Variants in CLPB observed in about 807,000 individuals in gnomAD.
CLPB encodes ClpB family mitochondrial disaggregase.
CLPB carries 40 observed loss-of-function variants against 78.4 expected under a neutral mutation model. The observed-to-expected ratio is 0.51, with a 90% CI of 0.40 to 0.66. The LOEUF (loss-of-function observed/expected upper bound fraction) is 0.66, where lower values mean the gene tolerates loss of function less well. CLPB is among the 30% of genes least tolerant of loss of function. The probability of loss-of-function intolerance (pLI) is 0.00; values close to 1 mark genes in which losing one functional copy is unlikely to be tolerated. For synonymous variants in CLPB, 333 were observed against 348.0 expected (o/e 0.96, Z 0.48); for missense variants, 780 against 886.9 (o/e 0.88, Z 1.53).
chr11:72,295,496 GT>G lies in CLPB; in HGVS notation c.1481del (p.Asn494ThrfsTer7). The G allele has an allele frequency of 6.2e-7, 1 of 1,614,022 alleles. No individual in the cohort carries two copies. Among genetic ancestry groups the G allele is most frequent in the South Asian group, 1.1e-5 (1 of 91,076 alleles). On this transcript the variant is annotated frameshift_variant, in exon 12 of 16. Coordinates refer to ENST00000538039, the MANE Select transcript of CLPB (RefSeq NM_001258392.3). LOFTEE classifies it high-confidence loss of function. Reference sequence around the variant, plus strand: ...TGCTCAGGTCAGCCGCCATACCCAGGTTTTCGGCAATACGGTTACGGCTCAT... The same window carrying G: ...TGCTCAGGTCAGCCGCCATACCCAGGTTTCGGCAATACGGTTACGGCTCAT... ...LEMSRNRIAE[N>X]LGDVQISDKI...
At chr11:72,383,161 G>A (rs78919475) in intron 3 of CLPB, among the ~76,000 whole-genome samples, 4,807 of 151,364 alleles carry the variant, frequency 0.032, 236 homozygotes, top group African/African-American at 0.11. Flanking sequence ...AAATAGGAAG[G>A]CCAATGGTTT....
At chr11:72,407,597 C>G (rs1163247482) in intron 2 of CLPB, among the ~76,000 whole-genome samples, 1 of 152,088 alleles carries the variant, frequency 6.6e-6, no homozygotes. Flanking sequence ...AATGAAAGAA[C>G]ATACAGGAGA....
chr11:72,372,828 T>C (rs1590861407), intron 4 of CLPB: 3 of 1,089,872 alleles, frequency 2.8e-6, no homozygotes, highest in Non-Finnish European at 4.2e-6. Context: ...GGGTGCTGGG[T>C]AGTTAACTTA....
intron 2 of CLPB, chr11:72,408,178 A>G (rs906271003): frequency 9.1e-6 from 14 of 1,535,460 alleles, no homozygotes; most frequent in Non-Finnish European, 1.2e-5. Context: ...TTCTTGACTG[A>G]GCATCATTCT....
At chr11:72,403,563 C>A (rs1274720011) in intron 2 of CLPB, among the ~76,000 whole-genome samples, 1 of 152,198 alleles carries the variant, frequency 6.6e-6, no homozygotes, top group African/African-American at 2.4e-5. Flanking sequence ...ATGCTAGGAA[C>A]AGAATGCCTA....
At chr11:72,419,908 G>C (rs1013017029) in intron 2 of CLPB, among the ~76,000 whole-genome samples, 2 of 152,176 alleles carry the variant, frequency 1.3e-5, no homozygotes, top group Non-Finnish European at 2.9e-5. Context: ...TCTGACTACT[G>C]ATCTACCAAG....
chr11:72,428,975 C>G (rs979220744), intron 2 of CLPB: 2 of 152,176 alleles, frequency 1.3e-5, no homozygotes, highest in Admixed American at 6.5e-5. Context: ...CTGCAAATGC[C>G]CTGCCAAAAG....
intron 4 of CLPB, among the ~76,000 whole-genome samples, chr11:72,366,301 G>A (rs1032002971): frequency 6.6e-6 from 1 of 152,056 alleles, no homozygotes. Flanking sequence ...TGCAACTTCC[G>A]CCTCCCAGGC....
chr11:72,397,275 T>C (rs927102005), intron 3 of CLPB, among the ~76,000 whole-genome samples: 42 of 152,254 alleles, frequency 2.8e-4, no homozygotes, highest in African/African-American at 1.0e-3. Context: ...CATTCACCAG[T>C]TGATGGACAT....
At chr11:72,320,623 A>AG (rs1385596706) in intron 6 of CLPB, among the ~76,000 whole-genome samples, 1 of 152,234 alleles carries the variant, frequency 6.6e-6, no homozygotes, top group East Asian at 1.9e-4. Context: ...CCAGGCAGGC[A>AG]GAAGATTACT....
intron 4 of CLPB, among the ~76,000 whole-genome samples, chr11:72,369,403 C>A (rs1489725016): frequency 6.6e-6 from 1 of 152,014 alleles, no homozygotes; most frequent in Non-Finnish European, 1.5e-5. Context: ...CCTGAGGTCA[C>A]CCTCTTCCCC....
At chr11:72,424,540 T>G (rs1318194909) in intron 2 of CLPB, among the ~76,000 whole-genome samples, 2 of 151,082 alleles carry the variant, frequency 1.3e-5, no homozygotes, top group Admixed American at 6.6e-5. Flanking sequence ...GCAGATCACT[T>G]GAGGTCAGGG....
intron 4 of CLPB, among the ~76,000 whole-genome samples, chr11:72,364,763 C>A (rs1254930486): frequency 6.6e-6 from 1 of 152,074 alleles, no homozygotes; most frequent in East Asian, 1.9e-4. Context: ...CAGGCAGCAA[C>A]GTGTATTAGA....
At chr11:72,361,691 G>A (rs1950842028) in intron 4 of CLPB, among the ~76,000 whole-genome samples, 1 of 152,176 alleles carries the variant, frequency 6.6e-6, no homozygotes, top group Admixed American at 6.5e-5. Context: ...TGAACCTGAC[G>A]AAAAGTGATA....
intron 9 of CLPB, among the ~76,000 whole-genome samples, chr11:72,305,802 T>A (rs1435909448): frequency 6.6e-6 from 1 of 152,230 alleles, no homozygotes; most frequent in East Asian, 1.9e-4. Flanking sequence ...CCTTTCTACA[T>A]CAGCAAGTCA....
chr11:72,359,791 T>TAAACATTTTTTG (rs1427437884), intron 4 of CLPB, among the ~76,000 whole-genome samples: 3 of 152,200 alleles, frequency 2.0e-5, no homozygotes, highest in African/African-American at 7.2e-5. Flanking sequence ...TTATTACCTG[T>TAAACATTTTTTG]AAACATTTTT....
At chr11:72,298,306 T>A (rs188348298) in intron 11 of CLPB, among the ~76,000 whole-genome samples, 121 of 152,218 alleles carry the variant, frequency 7.9e-4, no homozygotes, top group Non-Finnish European at 1.5e-4. Context: ...CTGGATTAGG[T>A]GCCCCTACAA....
At chr11:72,295,779 C>A in intron 11 of CLPB, 131 bp from the exon 12 acceptor site, 1 of 841,584 alleles carries the variant, frequency 1.2e-6, no homozygotes, top group South Asian at 1.7e-5. Context: ...CAGCAGCCAG[C>A]TGCTTCCTCC....
At position 72,387,720 on chromosome 11, in the gene CLPB, T is replaced by C. The variant is rs140824108; in HGVS notation, c.543-7336A>G. On this transcript the variant is annotated intron_variant, in intron 3 of 15. Coordinates refer to ENST00000538039, the MANE Select transcript of CLPB (RefSeq NM_001258392.3). ...CCCTCTGTTTGTATAATCTCAGCAA[T>C]AATCACATGAATCTGGGCTGTGATG... Among the ~76,000 whole-genome samples the C allele has an allele frequency of 5.9e-5, 9 of 151,638 alleles. No individual in the cohort carries two copies. The East Asian group carries it at 1.2e-3, about 20-fold the overall frequency.
Sources: gnomAD v4.1 joint callset for allele counts (sites outside exome capture counted in the v4.1 genomes callset) on GRCh38, gnomAD v4.1.1 for gene constraint, MANE v1.5 for transcripts, NCBI Gene and HGNC (gene_info 2026-07-23, HGNC 2026-07-21) for gene names.